CNTN4: variants seen among roughly 807,000 people sequenced by gnomAD.
The protein encoded by CNTN4 is contactin-4.
In CNTN4, 77 loss-of-function variants were observed where a neutral mutation model predicts 122.5. That is an observed-to-expected ratio of 0.63 (90% confidence interval 0.52 to 0.76). The LOEUF (loss-of-function observed/expected upper bound fraction) is 0.76, where lower values mean the gene tolerates loss of function less well. CNTN4 is among the 30% of genes least tolerant of loss of function. The pLI is 0.00. For missense variants in CNTN4, 1,256 were observed against 1,259.1 expected (o/e 1.00, Z 0.04); for synonymous variants, 512 against 447.0 (o/e 1.15, Z -1.83).
chr3:2,179,954 T>C (rs1384429704), intron 2 of CNTN4, among the ~76,000 whole-genome samples: 2 of 152,030 alleles, frequency 1.3e-5, no homozygotes, highest in Non-Finnish European at 2.9e-5. Flanking sequence ...ACATTTTTTG[T>C]ACTAAGCCTT....
At chr3:2,738,876 A>G (rs1404932712) in intron 5 of CNTN4, among the ~76,000 whole-genome samples, 1 of 152,124 alleles carries the variant, frequency 6.6e-6, no homozygotes, top group African/African-American at 2.4e-5. Flanking sequence ...CAGAAAAAAT[A>G]CAACTTATAA....
At chr3:2,300,869 G>A (rs934436889) in intron 2 of CNTN4, among the ~76,000 whole-genome samples, 1 of 151,716 alleles carries the variant, frequency 6.6e-6, no homozygotes, top group Non-Finnish European at 1.5e-5. Flanking sequence ...GTGCCTGGCC[G>A]ATCCTTCTTT....
At chr3:2,173,564 G>A (rs916244949) in intron 2 of CNTN4, among the ~76,000 whole-genome samples, 2 of 152,172 alleles carry the variant, frequency 1.3e-5, no homozygotes, top group African/African-American at 4.8e-5. Flanking sequence ...GAAAGGGATA[G>A]ATTGAATATT....
chr3:2,388,115 A>G (rs1046244545), intron 3 of CNTN4, among the ~76,000 whole-genome samples: 1 of 152,150 alleles, frequency 6.6e-6, no homozygotes, highest in African/African-American at 2.4e-5. Flanking sequence ...TTTGGCAGCA[A>G]TTTTTGTGTT....
chr3:2,650,176 T>G (rs2083301026), intron 4 of CNTN4, among the ~76,000 whole-genome samples: 1 of 151,550 alleles, frequency 6.6e-6, no homozygotes, highest in South Asian at 2.1e-4. Context: ...TTTTGGAAAT[T>G]GATTCCAACC....
intron 6 of CNTN4, among the ~76,000 whole-genome samples, chr3:2,812,337 C>T (rs576957561): frequency 1.3e-5 from 2 of 152,244 alleles, no homozygotes; most frequent in South Asian, 2.1e-4. Context: ...TTAAGTAACA[C>T]AAGCATTCTC....
At chr3:2,707,399 T>G (rs1027656662) in intron 4 of CNTN4, among the ~76,000 whole-genome samples, 2 of 152,112 alleles carry the variant, frequency 1.3e-5, no homozygotes, top group African/African-American at 4.8e-5. Flanking sequence ...GGAATTTAAA[T>G]TCAAAAATCT....
At chr3:2,607,432 A>G (rs544259673) in intron 4 of CNTN4, among the ~76,000 whole-genome samples, 1 of 152,322 alleles carries the variant, frequency 6.6e-6, no homozygotes, top group African/African-American at 2.4e-5. Context: ...CTGTTTATTC[A>G]TATAATGGAA....
intron 2 of CNTN4, among the ~76,000 whole-genome samples, chr3:2,264,075 C>G (rs148190606): frequency 1.3e-5 from 2 of 152,112 alleles, no homozygotes; most frequent in African/African-American, 2.4e-5. Flanking sequence ...GCAGTAAGCA[C>G]GGCAGTGCAG....
chr3:2,287,464 T>C (rs2041942730), intron 2 of CNTN4, among the ~76,000 whole-genome samples: 1 of 151,734 alleles, frequency 6.6e-6, no homozygotes, highest in South Asian at 2.1e-4. Context: ...TAGCAGGGCA[T>C]GGTGGTGCAC....
intron 3 of CNTN4, among the ~76,000 whole-genome samples, chr3:2,414,320 G>T (rs150449338): frequency 6.6e-6 from 1 of 152,030 alleles, no homozygotes; most frequent in Non-Finnish European, 1.5e-5. Flanking sequence ...AGCATATTGC[G>T]TGCGCTTAGT....
At chr3:2,708,941 A>G (rs1044623471) in intron 4 of CNTN4, among the ~76,000 whole-genome samples, 20 of 152,318 alleles carry the variant, frequency 1.3e-4, no homozygotes, top group South Asian at 6.2e-4. Context: ...CCAATCATGT[A>G]TGGATGATCT....
chr3:2,108,824 A>G (rs1319909634), intron 2 of CNTN4, among the ~76,000 whole-genome samples: 2 of 152,210 alleles, frequency 1.3e-5, no homozygotes, highest in Non-Finnish European at 2.9e-5. Flanking sequence ...TACTACATGC[A>G]AAGTACAAGC....
chr3:2,968,907 T>C (rs1461659219), intron 13 of CNTN4, among the ~76,000 whole-genome samples: 1 of 152,188 alleles, frequency 6.6e-6, no homozygotes, highest in Non-Finnish European at 1.5e-5. Context: ...TCATCACCAC[T>C]CTTCAGGTTG....
chr3:2,902,892 A>G lies in CNTN4; in HGVS notation c.1094A>G (p.Glu365Gly). 1 of 1,613,592 alleles carries G rather than the reference A, an allele frequency of 6.2e-7. No homozygotes were observed. The highest frequency in any genetic ancestry group is 8.5e-7 in the Non-Finnish European group (1 of 1,179,730). Residue 365 changes from glutamate (E) to glycine (G), a missense_variant, in exon 12 of 25, where the codon GAG becomes GGG. Coordinates refer to ENST00000418658, the MANE Select transcript of CNTN4 (RefSeq NM_175607.3). ...CTTTCACAGGATAGAATTCAAATTGAGCAAGGAACACTCAACATAACAATA... is the reference window on the plus strand; with the variant it reads ...CTTTCACAGGATAGAATTCAAATTGGGCAAGGAACACTCAACATAACAATA... The part of the protein sequence containing the change: ...PLLTRDRIQI[E>G]QGTLNITIVN...
chr3:2,934,033 A>T (rs1252228535), intron 13 of CNTN4, among the ~76,000 whole-genome samples: 1 of 152,156 alleles, frequency 6.6e-6, no homozygotes, highest in African/African-American at 2.4e-5. Flanking sequence ...AGGGAGAAGA[A>T]AGGTGCAACA....
rs904212297 is a variant in CNTN4, at chr3:2,344,161, A to G, written c.-89+4928A>G. ...TTCGACACGACATTTGGAGTGGACA[A>G]ACATCCAAACTATATCAGTGATATA... is the stretch of plus-strand genomic sequence containing the variant. On this transcript the variant is annotated intron_variant, in intron 3 of 24. Transcript: ENST00000418658. Among the ~76,000 whole-genome samples, 6 of 152,284 alleles carry G rather than the reference A, an allele frequency of 3.9e-5. No homozygotes were observed. In the South Asian group the frequency reaches 8.3e-4, roughly 21 times the overall value.
At chr3:2,375,450 G>C (rs964182749) in intron 3 of CNTN4, among the ~76,000 whole-genome samples, 1 of 152,060 alleles carries the variant, frequency 6.6e-6, no homozygotes, top group African/African-American at 2.4e-5. Flanking sequence ...TATTTTCTAA[G>C]GGACTTTCAA....
At chr3:2,335,189 T>G (rs2043895231) in intron 2 of CNTN4, among the ~76,000 whole-genome samples, 1 of 152,180 alleles carries the variant, frequency 6.6e-6, no homozygotes, top group South Asian at 2.1e-4. Flanking sequence ...TGTATTAATT[T>G]CCTGCCTATT....
Sources: allele counts gnomAD v4.1 joint callset (sites outside exome capture counted in the v4.1 genomes callset), GRCh38; gene constraint gnomAD v4.1.1; transcripts MANE v1.5; gene names NCBI Gene and HGNC (gene_info 2026-07-23, HGNC 2026-07-21).